STK39: variants seen among roughly 807,000 people sequenced by gnomAD.
STK39 encodes serine/threonine kinase 39.
Under a neutral mutation model 77.8 loss-of-function variants are expected in STK39, and 20 were observed. The ratio of observed to expected loss-of-function variants is 0.26; its 90% CI spans 0.18 to 0.37. STK39 has a LOEUF of 0.37. Ranked by LOEUF, STK39 falls within the 10% of genes least tolerant of loss-of-function variation. The pLI is 1.00. For missense variants in STK39, 479 were observed against 656.5 expected, an observed-to-expected ratio of 0.73 and a Z score of 2.95; for synonymous variants, 246 against 234.1, an observed-to-expected ratio of 1.05 and a Z score of -0.47.
chr2:168,028,854 A>C (rs190276903), intron 14 of STK39, among the ~76,000 whole-genome samples: 19 of 152,356 alleles, frequency 1.2e-4, no homozygotes, highest in African/African-American at 4.6e-4. Flanking sequence ...GGCATCTATA[A>C]GACATGAACC....
At chr2:168,038,789 CAT>C (rs1289901871) in intron 14 of STK39, among the ~76,000 whole-genome samples, 1 of 152,082 alleles carries the variant, frequency 6.6e-6, no homozygotes, top group Non-Finnish European at 1.5e-5. Flanking sequence ...CTAAGAAACA[CAT>C]GAGAAAGGTT....
At chr2:168,062,348 A>G in intron 14 of STK39, among the ~76,000 whole-genome samples, 1 of 152,232 alleles carries the variant, frequency 6.6e-6, no homozygotes, top group Middle Eastern at 3.2e-3. Flanking sequence ...AAAGTCAAAC[A>G]AAAAGGGAAT....
chr2:167,976,014 A>C, intron 16 of STK39, among the ~76,000 whole-genome samples: 1 of 152,148 alleles, frequency 6.6e-6, no homozygotes, highest in East Asian at 1.9e-4. Flanking sequence ...TGCTTCCTTT[A>C]TTCCCTCACA....
intron 10 of STK39, among the ~76,000 whole-genome samples, chr2:168,110,272 AC>A (rs1398248674): frequency 6.6e-6 from 1 of 152,166 alleles, no homozygotes; most frequent in Non-Finnish European, 1.5e-5. Flanking sequence ...TTGCTCTGTC[AC>A]CCAGGCTGCA....
chr2:167,995,878 T>C (rs532641246), intron 16 of STK39, among the ~76,000 whole-genome samples: 2 of 152,334 alleles, frequency 1.3e-5, no homozygotes, highest in East Asian at 3.9e-4. Context: ...CCAGCCCTTT[T>C]GTCTGTTGCT....
intron 12 of STK39, 71 bp downstream of exon 12, chr2:168,074,911 A>T (rs1205064308): frequency 6.4e-7 from 1 of 1,560,134 alleles, no homozygotes; most frequent in Non-Finnish European, 8.7e-7. Context: ...ATCTCCCCTA[A>T]ATGGATCAGA....
chr2:168,170,450 C>A (rs1217240935), intron 2 of STK39, among the ~76,000 whole-genome samples: 2 of 152,156 alleles, frequency 1.3e-5, no homozygotes, highest in Non-Finnish European at 1.5e-5. Context: ...AGGTCACAAC[C>A]CAAGGCAGAA....
At chr2:167,960,801 C>T (rs978126611) in intron 17 of STK39, among the ~76,000 whole-genome samples, 3 of 152,072 alleles carry the variant, frequency 2.0e-5, no homozygotes, top group Non-Finnish European at 2.9e-5. Context: ...GTCTGAGAAC[C>T]ACTCGTCTAT....
chr2:168,064,501 T>A (rs1421409226), intron 13 of STK39, among the ~76,000 whole-genome samples: 2 of 152,170 alleles, frequency 1.3e-5, no homozygotes, highest in Non-Finnish European at 2.9e-5. Context: ...ATATATAAGC[T>A]ATAAAATAAG....
At chr2:168,011,926 G>A (rs905615223) in intron 16 of STK39, among the ~76,000 whole-genome samples, 1 of 152,044 alleles carries the variant, frequency 6.6e-6, no homozygotes, top group African/African-American at 2.4e-5. Context: ...GAATATTGCT[G>A]AGGGCTGAAA....
At chr2:168,188,101 G>T (rs1345430742) in intron 1 of STK39, among the ~76,000 whole-genome samples, 1 of 152,172 alleles carries the variant, frequency 6.6e-6, no homozygotes, top group Admixed American at 6.5e-5. Context: ...GTGCTAGCTG[G>T]TGATGGATAG....
In STK39 at chr2:168,128,612, A is replaced by T. The variant is rs117298701; in HGVS notation, c.1089+929T>A. ...GGGACATTTCTTAAAGTCCACTTGA[A>T]AATCTGTTTAAAACAATTCTAAAGC... On this transcript the variant is annotated intron_variant, in intron 10 of 17. Transcript: ENST00000355999. 2.4e-3 allele frequency among the ~76,000 whole-genome samples: 362 copies of T among 152,352 alleles called. 13 individuals carry two copies. The East Asian group carries it at 0.06, about 25-fold the overall frequency.
intron 10 of STK39, among the ~76,000 whole-genome samples, chr2:168,128,362 CA>C (rs1271709693): frequency 6.6e-6 from 1 of 152,138 alleles, no homozygotes; most frequent in African/African-American, 2.4e-5. Flanking sequence ...TAGGAGTCCT[CA>C]AACTCTGGTG....
intron 14 of STK39, among the ~76,000 whole-genome samples, chr2:168,022,979 C>G (rs1205383269): frequency 6.6e-6 from 1 of 152,182 alleles, no homozygotes; most frequent in Admixed American, 6.5e-5. Context: ...CAGTGGCACA[C>G]TTGTTGCTCA....
At chr2:168,100,501 C>A (rs545003320) in intron 10 of STK39, among the ~76,000 whole-genome samples, 1 of 152,130 alleles carries the variant, frequency 6.6e-6, no homozygotes, top group African/African-American at 2.4e-5. Context: ...TGGGCTCAAG[C>A]GATCCTCCTG....
At chr2:168,221,341 C>T (rs537308405) in intron 1 of STK39, among the ~76,000 whole-genome samples, 5 of 152,220 alleles carry the variant, frequency 3.3e-5, no homozygotes, top group Admixed American at 2.6e-4. Flanking sequence ...TTAATACATG[C>T]GTGTCAAAAA....
chr2:168,143,699 C>T (rs1688055288), intron 5 of STK39, among the ~76,000 whole-genome samples: 1 of 146,538 alleles, frequency 6.8e-6, no homozygotes, highest in Non-Finnish European at 1.5e-5. Flanking sequence ...GGCAAGAGAG[C>T]AAGACTTTGT....
intron 4 of STK39, among the ~76,000 whole-genome samples, chr2:168,162,154 C>A (rs180676641): frequency 6.6e-6 from 1 of 152,024 alleles, no homozygotes; most frequent in Non-Finnish European, 1.5e-5. Flanking sequence ...GGCATGGTGG[C>A]AGGTGCCTGT....
intron 1 of STK39, among the ~76,000 whole-genome samples, chr2:168,234,896 T>TCAG (rs1157516542): frequency 6.6e-6 from 1 of 152,038 alleles, no homozygotes; most frequent in African/African-American, 2.4e-5. Context: ...CTCATGCCTG[T>TCAG]AGTCCCAGTA....
Sources: allele counts gnomAD v4.1 joint callset (sites outside exome capture counted in the v4.1 genomes callset), GRCh38; gene constraint gnomAD v4.1.1; transcripts MANE v1.5; gene names NCBI Gene and HGNC (gene_info 2026-07-23, HGNC 2026-07-21).